Variants in KCNQ1 observed in about 807,000 individuals in gnomAD.
KCNQ1 encodes the protein potassium voltage-gated channel subfamily Q member 1.
In KCNQ1, 49 loss-of-function variants were observed where a neutral mutation model predicts 72.4. That is an observed-to-expected ratio of 0.68 (90% CI 0.54 to 0.86). KCNQ1 has a LOEUF of 0.86. Among genes scored for constraint, KCNQ1 ranks in the 40% least tolerant of loss-of-function variants. The pLI, the probability that KCNQ1 is intolerant of heterozygous loss-of-function variation, is 0.00. For missense variants in KCNQ1, 790 were observed against 945.1 expected, an observed-to-expected ratio of 0.84 and a Z score of 2.15; for synonymous variants, 450 against 412.6, an observed-to-expected ratio of 1.09 and a Z score of -1.10.
chr11:2,538,506 C>T lies in KCNQ1; in HGVS notation c.477+10488C>T, dbSNP rs1847772296. Among the ~76,000 whole-genome samples, 1 of 152,208 alleles carries T rather than the reference C, an allele frequency of 6.6e-6. No homozygotes were observed. Among genetic ancestry groups the T allele is most frequent in the Non-Finnish European group, 1.5e-5 (1 of 68,040 alleles). ...CGGTTGACAGGGTTTGGATTGGCTG[C>T]GTTCCTGTCTGAAGGCAGCTGCTTG... On this transcript the variant is annotated intron_variant, in intron 2 of 15. Coordinates refer to ENST00000155840, the MANE Select transcript of KCNQ1 (RefSeq NM_000218.3). The surrounding 1 kb of genome is among the most constrained non-coding windows in gnomAD (Gnocchi z 6.7).
At position 2,611,794 on chromosome 11, in the gene KCNQ1, C is replaced by G. The variant is rs1848983024; in HGVS notation, c.1393+22940C>G. ...TCATATCACTTTTGTTCCTCTCTTC[C>G]TCCTTTACTGCCTTCTGCAGGTTGA... On this transcript the variant is annotated intron_variant, in intron 10 of 15. Coordinates refer to ENST00000155840, the MANE Select transcript of KCNQ1 (RefSeq NM_000218.3). The surrounding 1 kb of genome is among the most constrained non-coding windows in gnomAD (Gnocchi z 5.3). 1 of 398,226 alleles carries G rather than the reference C, an allele frequency of 2.5e-6. No homozygotes were observed. The highest frequency in any genetic ancestry group is 2.1e-5 in the African/African-American group (1 of 48,562). 24.7% of individuals were successfully genotyped at this position (398,226 alleles called of 1,614,324 possible). A position where few individuals can be genotyped will look rare whatever the true frequency, so the allele number is the denominator to read the frequency against.
rs182388163 is a variant in KCNQ1, at chr11:2,505,742, C to T, written c.387-22186C>T. On this transcript the variant is annotated intron_variant, in intron 1 of 15. Coordinates refer to ENST00000155840, the MANE Select transcript of KCNQ1 (RefSeq NM_000218.3). ...AGCGTCCTCTTTTGTCTCTTGTGACCTTTCTAGGTTTATTATAAAACCATT... is the reference window on the plus strand; with the variant it reads ...AGCGTCCTCTTTTGTCTCTTGTGACTTTTCTAGGTTTATTATAAAACCATT... Among the ~76,000 whole-genome samples, 8 of 152,270 alleles carry T rather than the reference C, an allele frequency of 5.3e-5. No individual in the cohort carries two copies. The East Asian group carries it at 1.5e-3, about 29-fold the overall frequency.
chr11:2,598,914 A>G lies in KCNQ1; in HGVS notation c.1393+10060A>G, dbSNP rs1848765660. On this transcript the variant is annotated intron_variant, in intron 10 of 15. Transcript: ENST00000155840. The surrounding 1 kb of genome is among the most constrained non-coding windows in gnomAD (Gnocchi z 6.2). ...ACATGTAAGTGCTCACCCAGGACCC[A>G]TATGCAGCAAACAGTCTTGTGTCTC... Among the ~76,000 whole-genome samples, 1 of 152,220 alleles carries G rather than the reference A, an allele frequency of 6.6e-6. No homozygotes were observed. The highest frequency in any genetic ancestry group is 6.5e-5 in the Admixed American group (1 of 15,284).
At position 2,828,978 on chromosome 11, in the gene KCNQ1, C is replaced by T. The variant is rs1564908517; in HGVS notation, c.1795-18789C>T. Among the ~76,000 whole-genome samples, 1 of 152,200 alleles carries T rather than the reference C, an allele frequency of 6.6e-6. No individual in the cohort carries two copies. The highest frequency in any genetic ancestry group is 1.5e-5 in the Non-Finnish European group (1 of 68,042). On this transcript the variant is annotated intron_variant, in intron 15 of 15. Transcript: ENST00000155840. This position sits in a 1 kb window ranked among gnomAD's most constrained non-coding sequence, Gnocchi z 5.3. The stretch of plus-strand genomic sequence containing the variant: ...CACATAGTAGAGAAATGCCTTCAAA[C>T]ATCTGAGGGAAAAAATGATTTCCCA...
rs1769218727 is a variant in KCNQ1, at chr11:2,818,389, CCA to C, written c.1795-29375_1795-29374del. Among the ~76,000 whole-genome samples the C allele has an allele frequency of 6.6e-6, 1 of 152,196 alleles. No homozygotes were observed. Among genetic ancestry groups the C allele is most frequent in the South Asian group, 2.1e-4 (1 of 4,834 alleles). Reference sequence around the variant, plus strand: ...ACCGTCCCAGGTGTGGCTAAGGCCCCCACAGAGTGTGCATCCTAAGGTGGTTC... The same window carrying C: ...ACCGTCCCAGGTGTGGCTAAGGCCCCCAGAGTGTGCATCCTAAGGTGGTTC... On this transcript the variant is annotated intron_variant, in intron 15 of 15. Transcript: ENST00000155840. This position sits in a 1 kb window ranked among gnomAD's most constrained non-coding sequence, Gnocchi z 7.2.
intron 11 of KCNQ1, among the ~76,000 whole-genome samples, chr11:2,760,280 C>T (rs573016220): frequency 1.3e-5 from 2 of 151,546 alleles, no homozygotes; most frequent in Admixed American, 6.5e-5. Flanking sequence ...ACGGGGCAGG[C>T]GGGCAGGCGG....
chr11:2,454,912 A>C (rs958550126), intron 1 of KCNQ1, among the ~76,000 whole-genome samples: 6 of 152,182 alleles, frequency 3.9e-5, no homozygotes, highest in African/African-American at 1.4e-4. Context: ...TGGAGGTCCT[A>C]GTCAGAAAAA....
At chr11:2,575,230 C>T (rs535790006) in intron 6 of KCNQ1, among the ~76,000 whole-genome samples, 21 of 152,326 alleles carry the variant, frequency 1.4e-4, no homozygotes, top group African/African-American at 4.3e-4. Flanking sequence ...GCCCGCTGGC[C>T]GGGAACACGG....
At chr11:2,607,839 C>T (rs1346334805) in intron 10 of KCNQ1, among the ~76,000 whole-genome samples, 1 of 152,130 alleles carries the variant, frequency 6.6e-6, no homozygotes, top group African/African-American at 2.4e-5. Context: ...CCTTTTTAAA[C>T]ATTGCTTGAT....
intron 10 of KCNQ1, chr11:2,622,901 T>A (rs996870814): frequency 2.5e-6 from 1 of 398,556 alleles, no homozygotes; most frequent in Non-Finnish European, 4.4e-6. Context: ...AAGTCCCTAG[T>A]TAACATTAGG....
chr11:2,728,117 G>C (rs1845796839), intron 11 of KCNQ1, among the ~76,000 whole-genome samples: 1 of 152,062 alleles, frequency 6.6e-6, no homozygotes, highest in African/African-American at 2.4e-5. Context: ...CTTGCCCAGG[G>C]CCTTTGCACA....
Position 2,723,297 on chromosome 11 carries a change from G to A in KCNQ1, c.1515-45547G>A, listed in dbSNP as rs1845703010. ...CCCATTTACCGTTGGGGCAAGTGAG[G>A]GACGAGGAGGCTCCGCAGCCTCCCC... is the stretch of plus-strand genomic sequence containing the variant. On this transcript the variant is annotated intron_variant, in intron 11 of 15. Coordinates refer to ENST00000155840, the MANE Select transcript of KCNQ1 (RefSeq NM_000218.3). This position sits in a 1 kb window ranked among gnomAD's most constrained non-coding sequence, Gnocchi z 4.2. Among the ~76,000 whole-genome samples, 2 of 152,222 alleles carry A rather than the reference G, an allele frequency of 1.3e-5. No individual in the cohort carries two copies. Among genetic ancestry groups the A allele is most frequent in the Non-Finnish European group, 2.9e-5 (2 of 68,040 alleles).
At chr11:2,528,406 C>T (rs1039307900) in intron 2 of KCNQ1, among the ~76,000 whole-genome samples, 3 of 152,196 alleles carry the variant, frequency 2.0e-5, no homozygotes, top group African/African-American at 7.2e-5. Flanking sequence ...GGCTGGCACA[C>T]AGGCCCTGCT....
Position 2,491,494 on chromosome 11 carries a change from A to G in KCNQ1, c.387-36434A>G, listed in dbSNP as rs1254432156. On this transcript the variant is annotated intron_variant, in intron 1 of 15. Coordinates refer to ENST00000155840, the MANE Select transcript of KCNQ1 (RefSeq NM_000218.3). The surrounding 1 kb of genome is among the most constrained non-coding windows in gnomAD (Gnocchi z 4.1). Reference sequence around the variant, plus strand: ...TTGATAACAGCATTGATCAAGAACAAAAAAGAATTAGTAAGCTTGAAGACA... The same window carrying G: ...TTGATAACAGCATTGATCAAGAACAGAAAAGAATTAGTAAGCTTGAAGACA... 1.3e-5 allele frequency among the ~76,000 whole-genome samples: 2 copies of G among 152,212 alleles called. No homozygotes were observed. The highest frequency in any genetic ancestry group is 2.9e-5 in the Non-Finnish European group (2 of 68,024).
Position 2,685,968 on chromosome 11 carries a change from C to T in KCNQ1, c.1514+23887C>T, listed in dbSNP as rs1022783574. ...TCCTGCTGGGTCACACGGATGAGGC[C>T]TGTACACTCTGGGCCTCAGACTCCA... On this transcript the variant is annotated intron_variant, in intron 11 of 15. Transcript: ENST00000155840. 1.8e-5 allele frequency: 7 copies of T among 398,642 alleles called. No individual in the cohort carries two copies. The Admixed American group carries it at 1.8e-4, about 10-fold the overall frequency. The allele number at this position is 398,642 out of a possible 1,614,324, so 24.7% of individuals were successfully genotyped here.
At position 2,603,494 on chromosome 11, in the gene KCNQ1, A is replaced by G. The variant is rs1309426545; in HGVS notation, c.1393+14640A>G. Among the ~76,000 whole-genome samples the G allele has an allele frequency of 6.6e-6, 1 of 152,126 alleles. No homozygotes were observed. Among genetic ancestry groups the G allele is most frequent in the Non-Finnish European group, 1.5e-5 (1 of 68,024 alleles). On this transcript the variant is annotated intron_variant, in intron 10 of 15. Transcript: ENST00000155840. The surrounding 1 kb of genome is among the most constrained non-coding windows in gnomAD (Gnocchi z 4.1). ...GTTTGAGAACATTTTTATCATTCCA[A>G]AAAGAAACCCAGTGCCTTTTAAATA...
intron 11 of KCNQ1, among the ~76,000 whole-genome samples, chr11:2,709,735 A>G (rs184547403): frequency 2.0e-5 from 3 of 152,260 alleles, no homozygotes; most frequent in Non-Finnish European, 4.4e-5. Context: ...GGAATCACAC[A>G]CTAAGCAGAC....
chr11:2,578,343 T>A (rs904199197), intron 6 of KCNQ1, among the ~76,000 whole-genome samples: 1 of 152,186 alleles, frequency 6.6e-6, no homozygotes, highest in Admixed American at 6.5e-5. Flanking sequence ...GCCACAGGAC[T>A]TCCAGGCAAG....
rs1845750861 is a variant in KCNQ1, at chr11:2,725,816, T to C, written c.1515-43028T>C. Among the ~76,000 whole-genome samples the C allele has an allele frequency of 1.6e-5, 2 of 122,752 alleles. No homozygotes were observed. Among genetic ancestry groups the C allele is most frequent in the African/African-American group, 6.3e-5 (2 of 31,794 alleles). 80.5% of individuals were successfully genotyped at this position (122,752 alleles called of 152,430 possible). A position where few individuals can be genotyped will look rare whatever the true frequency, so the allele number is the denominator to read the frequency against. On this transcript the variant is annotated intron_variant, in intron 11 of 15. Transcript: ENST00000155840. This position sits in a 1 kb window ranked among gnomAD's most constrained non-coding sequence, Gnocchi z 7.2. ...CCACCCAAAGCACAGGTCACCTGCC[T>C]GGTTAATCATCCTGGGCTCTGAGAG...
Sources: gnomAD v4.1 joint callset for allele counts (sites outside exome capture counted in the v4.1 genomes callset) on GRCh38, gnomAD v4.1.1 for gene constraint, Gnocchi (gnomAD v3.1) non-coding constraint, MANE v1.5 for transcripts, NCBI Gene and HGNC (gene_info 2026-07-23, HGNC 2026-07-21) for gene names.